The following LDAH variants were observed in gnomAD, a reference collection of about 807,000 sequenced individuals.
LDAH encodes the protein lipid droplet associated hydrolase, also known as lipid droplet-associated hydrolase.
In LDAH, 26 loss-of-function variants were observed where a neutral mutation model predicts 29.6. The observed-to-expected ratio is 0.88, with a 90% CI of 0.64 to 1.22. The LOEUF (loss-of-function observed/expected upper bound fraction) is 1.22, where lower values mean the gene tolerates loss of function less well. Ranked by LOEUF, LDAH falls within the 50% of genes most tolerant of loss-of-function variation. The pLI, the probability that LDAH is intolerant of heterozygous loss-of-function variation, is 0.00. For synonymous variants in LDAH, 117 were observed against 133.0 expected (o/e 0.88, Z 0.83); for missense variants, 344 against 387.3 (o/e 0.89, Z 0.94).
chr2:20,766,072 C>CTTT (rs545803356), intron 4 of LDAH, among the ~76,000 whole-genome samples: 1 of 143,732 alleles, frequency 7.0e-6, no homozygotes, highest in Non-Finnish European at 1.5e-5. Flanking sequence ...GGTTTTCAAA[C>CTTT]TTTTTTTTTT....
At chr2:20,717,793 C>G (rs11676128) in intron 5 of LDAH, among the ~76,000 whole-genome samples, 36,705 of 151,710 alleles carry the variant, frequency 0.24, 4,856 homozygotes, top group East Asian at 0.36. Context: ...GTGTGTGTGT[C>G]TGTGTGTGTT....
intron 4 of LDAH, among the ~76,000 whole-genome samples, chr2:20,751,618 TTATTC>T (rs1203517013): frequency 6.6e-6 from 1 of 152,226 alleles, no homozygotes; most frequent in Non-Finnish European, 1.5e-5. Context: ...CATTTTTAAC[TTATTC>T]TAATAACTTA....
At chr2:20,768,842 A>C (rs1669221475) in intron 4 of LDAH, among the ~76,000 whole-genome samples, 1 of 152,182 alleles carries the variant, frequency 6.6e-6, no homozygotes, top group Non-Finnish European at 1.5e-5. Context: ...TTGGACTAGT[A>C]AACTTTCCTG....
chr2:20,819,263 A>T (rs959478381), intron 1 of LDAH, among the ~76,000 whole-genome samples: 7 of 152,162 alleles, frequency 4.6e-5, no homozygotes, highest in Non-Finnish European at 7.4e-5. Context: ...CTGGACATCA[A>T]TTAATGCCAA....
chr2:20,708,543 G>T (rs1411332971), intron 5 of LDAH, among the ~76,000 whole-genome samples: 1 of 152,158 alleles, frequency 6.6e-6, no homozygotes, highest in Admixed American at 6.5e-5. Context: ...GAGAAAAACT[G>T]ATCAGTCAAA....
intron 5 of LDAH, among the ~76,000 whole-genome samples, chr2:20,714,068 C>T (rs1291007369): frequency 2.0e-5 from 3 of 152,214 alleles, no homozygotes; most frequent in South Asian, 4.1e-4. Context: ...CCCAAATCAA[C>T]AGAATATACC....
At chr2:20,758,970 G>GA (rs931320549) in intron 4 of LDAH, among the ~76,000 whole-genome samples, 3 of 152,080 alleles carry the variant, frequency 2.0e-5, no homozygotes, top group African/African-American at 7.2e-5. Context: ...AATCTCTTCT[G>GA]AAAAAATGTC....
chr2:20,801,630 G>T (rs1038064707), intron 1 of LDAH, among the ~76,000 whole-genome samples, 165 bp from the exon 2 acceptor site: 1 of 152,132 alleles, frequency 6.6e-6, no homozygotes. Context: ...TGGATTATAC[G>T]ATTGCAAGAC....
At chr2:20,762,610 T>C (rs1668766228) in intron 4 of LDAH, among the ~76,000 whole-genome samples, 1 of 150,064 alleles carries the variant, frequency 6.7e-6, no homozygotes. Flanking sequence ...CAGACATCAT[T>C]AAGTATACTA....
intron 1 of LDAH, among the ~76,000 whole-genome samples, chr2:20,806,603 C>A (rs1166528115): frequency 6.6e-6 from 1 of 151,628 alleles, no homozygotes; most frequent in Non-Finnish European, 1.5e-5. Context: ...CCATTGAGAA[C>A]AATTAGAAAA....
intron 1 of LDAH, among the ~76,000 whole-genome samples, 193 bp from the exon 2 acceptor site, chr2:20,801,658 A>C (rs1335061865): frequency 6.6e-6 from 1 of 152,198 alleles, no homozygotes; most frequent in East Asian, 1.9e-4. Context: ...ACAAGCCACG[A>C]AAGTACTTAG....
At chr2:20,818,568 T>C (rs1429223193) in intron 1 of LDAH, among the ~76,000 whole-genome samples, 3 of 149,356 alleles carry the variant, frequency 2.0e-5, no homozygotes, top group Non-Finnish European at 1.5e-5. Flanking sequence ...ATAAAACTAC[T>C]GCTTTTTTTT....
intron 2 of LDAH, among the ~76,000 whole-genome samples, chr2:20,798,676 T>C (rs764225531): frequency 2.0e-5 from 3 of 150,964 alleles, no homozygotes; most frequent in Non-Finnish European, 4.4e-5. Context: ...ACTAGGAAAA[T>C]AGATGGAGAA....
intron 4 of LDAH, among the ~76,000 whole-genome samples, chr2:20,768,394 T>G (rs1669183622): frequency 6.6e-6 from 1 of 152,178 alleles, no homozygotes; most frequent in Non-Finnish European, 1.5e-5. Flanking sequence ...GGGAAGCTGC[T>G]TACAGTGTGC....
chr2:20,728,564 G>A (rs1379302000), intron 5 of LDAH, among the ~76,000 whole-genome samples: 1 of 152,056 alleles, frequency 6.6e-6, no homozygotes, highest in Admixed American at 6.6e-5. Flanking sequence ...TCTCTTTGTG[G>A]GAAGCAAGGT....
chr2:20,789,061 C>T (rs2125066981), intron 3 of LDAH: 2 of 1,461,366 alleles, frequency 1.4e-6, no homozygotes, highest in East Asian at 2.5e-5. Flanking sequence ...TTAAATCTTG[C>T]TCCCTTCTGT....
chr2:20,751,020 T>C (rs985477264), intron 4 of LDAH, among the ~76,000 whole-genome samples: 2 of 152,158 alleles, frequency 1.3e-5, no homozygotes, highest in African/African-American at 4.8e-5. Context: ...GATGGGGGGA[T>C]TGAAAAACTA....
intron 5 of LDAH, among the ~76,000 whole-genome samples, chr2:20,735,789 G>A (rs1666731930): frequency 6.6e-6 from 1 of 152,066 alleles, no homozygotes; most frequent in African/African-American, 2.4e-5. Flanking sequence ...GACACCCAAG[G>A]GATGAAGGGG....
At chr2:20,791,412 C>T (rs944733225) in intron 2 of LDAH, among the ~76,000 whole-genome samples, 5 of 152,176 alleles carry the variant, frequency 3.3e-5, no homozygotes, top group Non-Finnish European at 7.3e-5. Flanking sequence ...CTGCCTGAAA[C>T]ACAGCAAGTA....
Sources: allele counts gnomAD v4.1 joint callset (sites outside exome capture counted in the v4.1 genomes callset), GRCh38; gene constraint gnomAD v4.1.1; transcripts MANE v1.5; gene names NCBI Gene and HGNC (gene_info 2026-07-23, HGNC 2026-07-21).